Variants in OVAAL observed in about 807,000 individuals in gnomAD.
The protein encoded by OVAAL is long intergenic non-protein coding RNA 1131.
At chr1:180,562,445 C>T (rs961594489) in intron 2 of OVAAL, 2 of 152,078 alleles carry the variant, frequency 1.3e-5, no homozygotes, top group Non-Finnish European at 2.9e-5. Flanking sequence ...ACTAAGGTAT[C>T]GAGGGTCTCA....
intron 2 of OVAAL, among the ~76,000 whole-genome samples, chr1:180,563,007 G>A (rs183612801): frequency 1.3e-5 from 2 of 152,294 alleles, no homozygotes; most frequent in Admixed American, 1.3e-4. Context: ...AAACATGAAA[G>A]CAGCTTTACT....
intron 2 of OVAAL, among the ~76,000 whole-genome samples, chr1:180,565,054 C>A (rs1653267348): frequency 6.6e-6 from 1 of 152,116 alleles, no homozygotes; most frequent in South Asian, 2.1e-4. Context: ...GACTGGAGCA[C>A]CTGTTCTGTG....
In OVAAL at chr1:180,559,524, G is replaced by C. The variant is rs555619877; in HGVS notation, n.373-2680G>C. Among the ~76,000 whole-genome samples the C allele has an allele frequency of 1.1e-4, 16 of 152,304 alleles. No homozygotes were observed. In the South Asian group the frequency reaches 3.1e-3, roughly 30 times the overall value. ...TTTCTAAGCAGCAAAGCATTCAAGA[G>C]GTGACTTGGGTGCTGTTAAAAGCAT... On this transcript the variant is annotated intron_variant and non_coding_transcript_variant, in intron 1 of 2. Transcript: ENST00000673955.
chr1:180,561,187 T>C (rs1418429749), intron 1 of OVAAL, among the ~76,000 whole-genome samples: 5 of 152,188 alleles, frequency 3.3e-5, no homozygotes, highest in African/African-American at 1.2e-4. Context: ...GTGTTGTTTT[T>C]TACCCCAGCA....
At chr1:180,561,300 C>T (rs1272481212) in intron 1 of OVAAL, among the ~76,000 whole-genome samples, 1 of 152,168 alleles carries the variant, frequency 6.6e-6, no homozygotes, top group African/African-American at 2.4e-5. Context: ...GCCCCAGCTG[C>T]AGTTATGGCA....
intron 2 of OVAAL, among the ~76,000 whole-genome samples, chr1:180,565,095 G>A (rs6677578): frequency 0.89 from 134,953 of 152,196 alleles, 60,147 homozygotes; most frequent in South Asian, 0.96. Context: ...GGATTTGCCC[G>A]GAAGGGTTCC....
At chr1:180,559,536 G>A (rs568985385) in intron 1 of OVAAL, among the ~76,000 whole-genome samples, 1 of 152,304 alleles carries the variant, frequency 6.6e-6, no homozygotes, top group South Asian at 2.1e-4. Context: ...TGACTTGGGT[G>A]CTGTTAAAAG....
intron 2 of OVAAL, among the ~76,000 whole-genome samples, chr1:180,563,877 C>T (rs765375445): frequency 6.6e-6 from 1 of 152,100 alleles, no homozygotes; most frequent in Non-Finnish European, 1.5e-5. Context: ...AGGGAGACTG[C>T]CTTTCCCTGG....
chr1:180,559,508 A>G (rs1160735169), intron 1 of OVAAL, among the ~76,000 whole-genome samples: 1 of 152,236 alleles, frequency 6.6e-6, no homozygotes, highest in Non-Finnish European at 1.5e-5. Flanking sequence ...ATTTCTAAGC[A>G]GCAAAGCATT....
chr1:180,560,344 A>G (rs1441160422), intron 1 of OVAAL, among the ~76,000 whole-genome samples: 1 of 152,140 alleles, frequency 6.6e-6, no homozygotes, highest in Non-Finnish European at 1.5e-5. Flanking sequence ...ATCTCTTCAG[A>G]GCAAGGGCAG....
chr1:180,565,644 A>G (rs1385175561), exon 3 of OVAAL: 4 of 152,178 alleles, frequency 2.6e-5, no homozygotes, highest in Non-Finnish European at 5.9e-5. Context: ...TAAACTCTGG[A>G]CAATGACCAG....
intron 1 of OVAAL, among the ~76,000 whole-genome samples, chr1:180,562,039 T>C (rs1653214758): frequency 6.9e-6 from 1 of 144,814 alleles, no homozygotes. Context: ...AAAAAAAAAA[T>C]AGAGTTCGCT....
chr1:180,560,776 G>A (rs1259939137), intron 1 of OVAAL, among the ~76,000 whole-genome samples: 6 of 152,132 alleles, frequency 3.9e-5, no homozygotes, highest in South Asian at 4.2e-4. Context: ...AACAAATTAT[G>A]TTAGTACTAA....
intron 2 of OVAAL, among the ~76,000 whole-genome samples, chr1:180,564,961 C>T (rs548433121): frequency 1.3e-5 from 2 of 152,274 alleles, no homozygotes; most frequent in East Asian, 3.9e-4. Context: ...TCGCTCTGTT[C>T]CCAGTGGCAT....
At chr1:180,559,572 G>C (rs1353891508) in intron 1 of OVAAL, among the ~76,000 whole-genome samples, 2 of 152,120 alleles carry the variant, frequency 1.3e-5, no homozygotes, top group South Asian at 4.1e-4. Flanking sequence ...GGGAAACAGA[G>C]CATAAAAGTT....
chr1:180,562,319 T>G (rs762368742), exon 2 of OVAAL: 16 of 152,230 alleles, frequency 1.1e-4, no homozygotes, highest in Non-Finnish European at 2.1e-4. Flanking sequence ...ACAAGAACTG[T>G]GACTATATGT....
intron 2 of OVAAL, among the ~76,000 whole-genome samples, chr1:180,563,942 T>G (rs748498927): frequency 6.6e-6 from 1 of 152,128 alleles, no homozygotes; most frequent in Non-Finnish European, 1.5e-5. Flanking sequence ...GGCCTGACCA[T>G]CACCCGATGG....
chr1:180,563,316 A>G (rs1239327904), intron 2 of OVAAL, among the ~76,000 whole-genome samples: 1 of 152,200 alleles, frequency 6.6e-6, no homozygotes, highest in Non-Finnish European at 1.5e-5. Context: ...ACCAAGTATA[A>G]TCTTGTCTTA....
intron 2 of OVAAL, among the ~76,000 whole-genome samples, chr1:180,563,474 T>A (rs545526958): frequency 8.8e-4 from 134 of 152,204 alleles, no homozygotes; most frequent in African/African-American, 3.1e-3. Flanking sequence ...TGAAAGTTTA[T>A]TAAAAAGCTT....
Sources: gnomAD v4.1 joint callset for allele counts (sites outside exome capture counted in the v4.1 genomes callset) on GRCh38, gnomAD v4.1.1 for gene constraint, MANE v1.5 for transcripts, NCBI Gene and HGNC (gene_info 2026-07-23, HGNC 2026-07-21) for gene names.